GRID1: variants seen among roughly 807,000 people sequenced by gnomAD.
GRID1 encodes glutamate receptor ionotropic, delta-1.
A neutral mutation model predicts 98.0 loss-of-function variants in GRID1; 28 were observed. That is an observed-to-expected ratio of 0.29 (90% CI 0.21 to 0.39). GRID1 has a LOEUF of 0.39. Among genes scored for constraint, GRID1 ranks in the 10% least tolerant of loss-of-function variants. GRID1 has a pLI of 1.00. For missense variants in GRID1, 1,111 were observed against 1,340.5 expected, an observed-to-expected ratio of 0.83 and a Z score of 2.67; for synonymous variants, 553 against 538.5, an observed-to-expected ratio of 1.03 and a Z score of -0.37.
chr10:85,781,855 G>C (rs757002094), intron 8 of GRID1, among the ~76,000 whole-genome samples: 2 of 150,534 alleles, frequency 1.3e-5, no homozygotes, highest in Non-Finnish European at 2.9e-5. Context: ...TCAGTAACTT[G>C]CTGGGCCTGG....
intron 2 of GRID1, among the ~76,000 whole-genome samples, chr10:86,298,024 A>T (rs910060405): frequency 5.9e-5 from 9 of 152,340 alleles, no homozygotes; most frequent in African/African-American, 1.9e-4. Context: ...TACCATAAAA[A>T]TGCCCACACT....
chr10:85,963,859 G>C (rs1012133805), intron 4 of GRID1, among the ~76,000 whole-genome samples: 9 of 152,148 alleles, frequency 5.9e-5, no homozygotes, highest in Admixed American at 3.9e-4. Flanking sequence ...ACCTGACACA[G>C]CACATGCAGA....
chr10:86,251,140 A>G (rs1009560745), intron 2 of GRID1, among the ~76,000 whole-genome samples: 6 of 152,178 alleles, frequency 3.9e-5, no homozygotes, highest in African/African-American at 1.2e-4. Flanking sequence ...GATGCTTGAA[A>G]GCAGCATACT....
chr10:86,097,444 A>G (rs1160800333), intron 4 of GRID1, among the ~76,000 whole-genome samples: 1 of 152,192 alleles, frequency 6.6e-6, no homozygotes, highest in Non-Finnish European at 1.5e-5. Flanking sequence ...CCTCTCATCT[A>G]TCTATCATCT....
At chr10:85,801,864 G>A (rs1029936233) in intron 8 of GRID1, among the ~76,000 whole-genome samples, 8 of 151,770 alleles carry the variant, frequency 5.3e-5, no homozygotes, top group East Asian at 1.9e-4. Flanking sequence ...TTCAGATTAC[G>A]TGTTTATATA....
intron 2 of GRID1, among the ~76,000 whole-genome samples, chr10:86,229,800 C>T (rs768673512): frequency 6.6e-5 from 10 of 152,216 alleles, no homozygotes; most frequent in Admixed American, 6.5e-5. Context: ...CAACCTCCCC[C>T]ACTTCACTAA....
At chr10:86,241,820 A>G (rs1846641011) in intron 2 of GRID1, among the ~76,000 whole-genome samples, 1 of 152,142 alleles carries the variant, frequency 6.6e-6, no homozygotes, top group South Asian at 2.1e-4. Context: ...GACTGCCTGG[A>G]TGGAGCAGAA....
At chr10:86,270,563 G>A (rs1254127844) in intron 2 of GRID1, among the ~76,000 whole-genome samples, 2 of 152,080 alleles carry the variant, frequency 1.3e-5, no homozygotes, top group East Asian at 1.9e-4. Flanking sequence ...GGTGGTGCGT[G>A]CCTGTAATCC....
rs1405560910 is a variant in GRID1, at chr10:86,366,596, G to T, written c.-204C>A. ...CCCAGCCCAGCGCGGTCGGGCTCCC[G>T]CTCCGGCTCCGGTGGCGGCTGCGGC... On this transcript the variant is annotated 5_prime_UTR_variant, in exon 1 of 16. Transcript: ENST00000327946. This position sits in a 1 kb window ranked among gnomAD's most constrained non-coding sequence, Gnocchi z 4.1. The T allele has an allele frequency of 1.1e-5, 2 of 188,580 alleles. No individual in the cohort carries two copies. Among genetic ancestry groups the T allele is most frequent in the African/African-American group, 2.4e-5 (1 of 41,958 alleles). 11.7% of individuals were successfully genotyped at this position (188,580 alleles called of 1,614,324 possible). A position where few individuals can be genotyped will look rare whatever the true frequency, so the allele number is the denominator to read the frequency against.
chr10:85,902,343 A>G (rs1010986906), intron 5 of GRID1, among the ~76,000 whole-genome samples: 1 of 152,216 alleles, frequency 6.6e-6, no homozygotes, highest in Non-Finnish European at 1.5e-5. Context: ...CTTTCATCAC[A>G]CTATGCAGAA....
At chr10:86,167,997 T>C (rs868373258) in intron 3 of GRID1, among the ~76,000 whole-genome samples, 2 of 152,104 alleles carry the variant, frequency 1.3e-5, no homozygotes, top group Non-Finnish European at 2.9e-5. Context: ...TTGAGCACAC[T>C]GTGTGTGGTG....
At chr10:85,929,396 ATGGC>A (rs1257265832) in intron 4 of GRID1, among the ~76,000 whole-genome samples, 1 of 152,156 alleles carries the variant, frequency 6.6e-6, no homozygotes, top group Non-Finnish European at 1.5e-5. Flanking sequence ...CCAGCCTCCC[ATGGC>A]TTTCTGGGCC....
At chr10:85,939,648 C>T (rs755874206) in intron 4 of GRID1, among the ~76,000 whole-genome samples, 1 of 152,146 alleles carries the variant, frequency 6.6e-6, no homozygotes, top group East Asian at 1.9e-4. Context: ...GATTCCATTG[C>T]GCCCACCTGG....
At chr10:86,045,565 A>C (rs960775451) in intron 4 of GRID1, among the ~76,000 whole-genome samples, 2 of 152,112 alleles carry the variant, frequency 1.3e-5, no homozygotes, top group Non-Finnish European at 2.9e-5. Context: ...ATAATACAAG[A>C]GAAGCATATG....
intron 3 of GRID1, among the ~76,000 whole-genome samples, chr10:86,171,891 G>A (rs1418634544): frequency 6.6e-6 from 1 of 152,094 alleles, no homozygotes; most frequent in Non-Finnish European, 1.5e-5. Flanking sequence ...GAAGCACCTG[G>A]AGTTAGAAAC....
chr10:86,134,919 C>A (rs1844893353), intron 4 of GRID1, among the ~76,000 whole-genome samples: 1 of 152,228 alleles, frequency 6.6e-6, no homozygotes, highest in Non-Finnish European at 1.5e-5. Context: ...TACCTCAGTC[C>A]TCCCCACCAA....
At chr10:85,849,625 C>T (rs998668580) in intron 8 of GRID1, among the ~76,000 whole-genome samples, 4 of 152,200 alleles carry the variant, frequency 2.6e-5, no homozygotes, top group Non-Finnish European at 4.4e-5. Context: ...AACTGCATCG[C>T]CTCAAGTTCA....
chr10:86,053,994 G>A (rs1032531353), intron 4 of GRID1, among the ~76,000 whole-genome samples: 8 of 152,152 alleles, frequency 5.3e-5, no homozygotes, highest in Non-Finnish European at 1.2e-4. Context: ...TGCCTAAAAT[G>A]GAACCTTAAT....
At chr10:85,983,737 G>C (rs922103478) in intron 4 of GRID1, among the ~76,000 whole-genome samples, 2 of 152,282 alleles carry the variant, frequency 1.3e-5, no homozygotes, top group African/African-American at 2.4e-5. Context: ...AGCTCCCATA[G>C]AGTCTCCAAG....
Sources: allele counts gnomAD v4.1 joint callset (sites outside exome capture counted in the v4.1 genomes callset), GRCh38; gene constraint gnomAD v4.1.1; non-coding constraint Gnocchi (gnomAD v3.1); transcripts MANE v1.5; gene names NCBI Gene and HGNC (gene_info 2026-07-23, HGNC 2026-07-21).